POC5: variants seen among roughly 807,000 people sequenced by gnomAD.
POC5 encodes centrosomal protein POC5.
A neutral mutation model predicts 62.9 loss-of-function variants in POC5; 48 were observed. That is an observed-to-expected ratio of 0.76 (90% confidence interval 0.61 to 0.97). The LOEUF (loss-of-function observed/expected upper bound fraction) is 0.97. Among genes scored for constraint, POC5 ranks in the 50% least tolerant of loss-of-function variants. The pLI, the probability that POC5 is intolerant of heterozygous loss-of-function variation, is 0.00. For synonymous variants in POC5, 236 were observed against 228.2 expected (o/e 1.03, Z -0.31); for missense variants, 696 against 679.5 (o/e 1.02, Z -0.27).
intron 9 of POC5, among the ~76,000 whole-genome samples, chr5:75,687,020 C>G (rs1030369973): frequency 6.6e-6 from 1 of 150,494 alleles, no homozygotes; most frequent in Non-Finnish European, 1.5e-5. Flanking sequence ...TTATTAAAAA[C>G]TGCATTATAA....
At chr5:75,675,929 C>A (rs1222781352) in intron 11 of POC5, among the ~76,000 whole-genome samples, 1 of 152,154 alleles carries the variant, frequency 6.6e-6, no homozygotes, top group Non-Finnish European at 1.5e-5. Context: ...AGATTTAGAT[C>A]TTGATTCCCA....
intron 7 of POC5, among the ~76,000 whole-genome samples, chr5:75,691,384 A>AATC (rs1776327447): frequency 6.6e-6 from 1 of 152,186 alleles, no homozygotes; most frequent in African/African-American, 2.4e-5. Flanking sequence ...AAAAATCTGA[A>AATC]ACTTTTTGAG....
chr5:75,715,167 T>G (rs1290241264), intron 1 of POC5, among the ~76,000 whole-genome samples: 2 of 151,696 alleles, frequency 1.3e-5, no homozygotes, highest in African/African-American at 4.8e-5. Context: ...AAAATTAGCC[T>G]GGCGTGGTGG....
chr5:75,705,582 T>C (rs1051528348), intron 4 of POC5, 122 bp downstream of exon 4: 16 of 593,002 alleles, frequency 2.7e-5, no homozygotes, highest in African/African-American at 7.6e-5. Context: ...TTAGCAATAA[T>C]AGCATTTTAA....
chr5:75,685,135 G>A (rs1776046241), intron 10 of POC5, 72 bp downstream of exon 10: 14 of 1,480,140 alleles, frequency 9.5e-6, no homozygotes, highest in Non-Finnish European at 1.1e-5. Flanking sequence ...CCAAAGTGCT[G>A]GGATTACAGG....
At chr5:75,707,569 T>A in intron 3 of POC5, 168 bp downstream of exon 3, 1 of 497,490 alleles carries the variant, frequency 2.0e-6, no homozygotes, top group Non-Finnish European at 3.5e-6. Flanking sequence ...CACACGAGAG[T>A]CAGGAATAAT....
intron 6 of POC5, among the ~76,000 whole-genome samples, chr5:75,694,235 GAT>G (rs1776462747): frequency 6.6e-6 from 1 of 152,046 alleles, no homozygotes; most frequent in Admixed American, 6.6e-5. Context: ...CCCCTAAAAG[GAT>G]GGTTTAAAAT....
In POC5 at chr5:75,694,733, T is replaced by C. The variant is rs780618013; in HGVS notation, c.612A>G (p.Leu204=). Residue 204 remains leucine, a synonymous_variant, in exon 6 of 12, where the codon TTA becomes TTG. Coordinates refer to ENST00000428202, the MANE Select transcript of POC5 (RefSeq NM_001099271.2). ...CATTGATCTGATTACACAGTTGTTT[T>C]AAATGTGCTGCATGTTTTTCTTTCT... is the stretch of plus-strand genomic sequence containing the variant. ...RKEKEKHAAH[L]KQLCNQINEL... 5 of 1,603,746 alleles carry C rather than the reference T, an allele frequency of 3.1e-6. No homozygotes were observed. The highest frequency in any genetic ancestry group is 4.3e-6 in the Non-Finnish European group (5 of 1,172,528).
intron 9 of POC5, among the ~76,000 whole-genome samples, chr5:75,687,884 T>A (rs892798527): frequency 1.3e-5 from 2 of 152,210 alleles, no homozygotes; most frequent in Admixed American, 1.3e-4. Context: ...TATTCTATCA[T>A]TGAAGGTGGT....
chr5:75,691,642 TACTAATCTCTTGGAA>T (rs1244575941), intron 7 of POC5, among the ~76,000 whole-genome samples: 64 of 152,290 alleles, frequency 4.2e-4, no homozygotes, highest in Non-Finnish European at 3.4e-4. Context: ...TTTCCTTAAA[TACTAATCTCTTGGAA>T]ACTAAATACA....
intron 2 of POC5, among the ~76,000 whole-genome samples, chr5:75,710,068 G>A (rs998019909): frequency 6.6e-5 from 10 of 152,154 alleles, no homozygotes; most frequent in African/African-American, 2.4e-4. Context: ...ATGGGCTAGT[G>A]GTAGTACACT....
chr5:75,702,699 T>C lies in POC5; in HGVS notation c.419A>G (p.Asp140Gly), dbSNP rs1776939755. 1 of 1,610,872 alleles carries C rather than the reference T, an allele frequency of 6.2e-7. No homozygotes were observed. Residue 140 changes from aspartate (D) to glycine (G), a missense_variant, in exon 5 of 12, where the codon GAT (aspartate) becomes GGT (glycine). By Grantham distance (94) the Asp-to-Gly change is moderately conservative. Transcript: ENST00000428202. ...ATCGCTCACAAGTATTTCATGGGCA[T>C]CTGTATGACTAGAATTTGTTGCTGG... Reference protein sequence around the residue: ...SSPATNSSHTDAHEILVSDFL... With the variant: ...SSPATNSSHTGAHEILVSDFL...
chr5:75,708,671 A>T (rs1777220627), intron 2 of POC5, among the ~76,000 whole-genome samples: 1 of 152,186 alleles, frequency 6.6e-6, no homozygotes, highest in Non-Finnish European at 1.5e-5. Flanking sequence ...ATACTACTGT[A>T]GTTTTGTTTT....
chr5:75,706,864 T>G (rs772674839), intron 3 of POC5, among the ~76,000 whole-genome samples: 2 of 152,204 alleles, frequency 1.3e-5, no homozygotes, highest in Non-Finnish European at 2.9e-5. Flanking sequence ...TTTAAGGCTC[T>G]CATCCTGTGG....
intron 5 of POC5, among the ~76,000 whole-genome samples, chr5:75,695,449 T>G (rs187821536): frequency 5.3e-5 from 8 of 152,250 alleles, no homozygotes; most frequent in Non-Finnish European, 7.4e-5. Flanking sequence ...CTTACACTAT[T>G]CTAAGTATGA....
At chr5:75,694,258 C>G (rs1380363955) in intron 6 of POC5, among the ~76,000 whole-genome samples, 2 of 152,084 alleles carry the variant, frequency 1.3e-5, no homozygotes, top group East Asian at 3.9e-4. Context: ...GTAGATAATG[C>G]TCGTTCCTTC....
At chr5:75,697,454 C>T (rs561348186) in intron 5 of POC5, among the ~76,000 whole-genome samples, 243 of 151,872 alleles carry the variant, frequency 1.6e-3, no homozygotes, top group Admixed American at 2.7e-3. Flanking sequence ...TCCAGCCAAA[C>T]TAAGCTTCAT....
intron 9 of POC5, among the ~76,000 whole-genome samples, chr5:75,685,887 G>C (rs1776080916): frequency 6.6e-6 from 1 of 152,068 alleles, no homozygotes; most frequent in Admixed American, 6.6e-5. Context: ...TGGCCAAAAT[G>C]ACCTGCAATC....
intron 5 of POC5, among the ~76,000 whole-genome samples, chr5:75,695,221 G>A (rs547709285): frequency 1.3e-5 from 2 of 152,306 alleles, no homozygotes; most frequent in East Asian, 3.9e-4. Context: ...AAGTTATTTA[G>A]AAATGGGTGA....
Sources: allele counts gnomAD v4.1 joint callset (sites outside exome capture counted in the v4.1 genomes callset), GRCh38; gene constraint gnomAD v4.1.1; transcripts MANE v1.5; gene names NCBI Gene and HGNC (gene_info 2026-07-23, HGNC 2026-07-21).